PCDHA6: variants seen among roughly 807,000 people sequenced by gnomAD.
The protein encoded by PCDHA6 is protocadherin alpha 6, also known as protocadherin alpha-6.
PCDHA6 carries 55 observed loss-of-function variants against 60.3 expected under a neutral mutation model. The observed-to-expected ratio is 0.91, with a 90% CI of 0.73 to 1.14. PCDHA6 has a LOEUF of 1.14. Ranked by LOEUF, PCDHA6 falls within the 50% of genes most tolerant of loss-of-function variation. The pLI is 0.00. For missense variants in PCDHA6, 1,327 were observed against 1,256.5 expected, an observed-to-expected ratio of 1.06 and a Z score of -0.85; for synonymous variants, 652 against 557.9, an observed-to-expected ratio of 1.17 and a Z score of -2.38.
chr5:140,927,110 G>A, intron 1 of PCDHA6: 2 of 1,613,752 alleles, frequency 1.2e-6, no homozygotes, highest in Non-Finnish European at 1.7e-6. Flanking sequence ...CTACCCAGCG[G>A]CAATTTGGTG....
Position 140,962,028 on chromosome 5 carries a change from C to A in PCDHA6, c.2395-16921C>A, listed in dbSNP as rs1046578713. Among the ~76,000 whole-genome samples the A allele has an allele frequency of 5.9e-5, 9 of 152,036 alleles. No individual in the cohort carries two copies. In the South Asian group the frequency reaches 1.7e-3, roughly 28 times the overall value. The stretch of plus-strand genomic sequence containing the variant: ...CTTCCCGAGTAGCTGGGACTACAGG[C>A]ACCCACCACCATGCCTGGCTAATTT... On this transcript the variant is annotated intron_variant, in intron 1 of 3. Transcript: ENST00000529310.
chr5:140,925,172 C>T (rs1176049315), intron 1 of PCDHA6, among the ~76,000 whole-genome samples: 2 of 151,994 alleles, frequency 1.3e-5, no homozygotes, highest in Admixed American at 6.6e-5. Context: ...TGTAATTGAC[C>T]CCAATGTACC....
At chr5:140,852,947 T>C in intron 1 of PCDHA6, 2 of 520,496 alleles carry the variant, frequency 3.8e-6, no homozygotes, top group Non-Finnish European at 2.5e-6. Flanking sequence ...GGTGCCATCT[T>C]GGCTCACTCC....
intron 3 of PCDHA6, among the ~76,000 whole-genome samples, chr5:141,007,768 A>C (rs1457934171): frequency 2.0e-5 from 3 of 152,212 alleles, no homozygotes; most frequent in Non-Finnish European, 2.9e-5. Context: ...ATTGGCCTGG[A>C]AATGGTACTG....
At chr5:140,963,397 G>A (rs1190925238) in intron 1 of PCDHA6, among the ~76,000 whole-genome samples, 1 of 152,160 alleles carries the variant, frequency 6.6e-6, no homozygotes, top group Admixed American at 6.5e-5. Context: ...GCTCCCTACT[G>A]GATGCTGTAG....
At chr5:141,009,285 T>C (rs1554262099) in intron 3 of PCDHA6, among the ~76,000 whole-genome samples, 1 of 152,106 alleles carries the variant, frequency 6.6e-6, no homozygotes, top group African/African-American at 2.4e-5. Context: ...TGAGATCCCA[T>C]TTCTATAAAA....
Position 140,829,768 on chromosome 5 carries a change from C to T in PCDHA6, c.1677C>T (p.Asn559=), listed in dbSNP as rs2150174166. The change falls in exon 1 of 4, where the codon AAC becomes AAT. Residue 559 remains asparagine (N), a synonymous_variant. Transcript: ENST00000529310. ...VTLQVFVLDE[N]DNAPALLAPR... is the part of the protein sequence containing the mutation. ...TGCAGGTGTTCGTGCTGGACGAGAA[C>T]GACAACGCGCCGGCGCTGCTGGCGC... 1.1e-5 allele frequency: 18 copies of T among 1,613,762 alleles called. No homozygotes were observed. The highest frequency in any genetic ancestry group is 5.3e-5 in the African/African-American group (4 of 75,056).
intron 1 of PCDHA6, among the ~76,000 whole-genome samples, chr5:140,837,963 AC>A (rs1775339746): frequency 6.6e-6 from 1 of 151,764 alleles, no homozygotes; most frequent in Non-Finnish European, 1.5e-5. Context: ...ACAGACACGA[AC>A]AACCACACCC....
chr5:141,010,105 G>A lies in PCDHA6; in HGVS notation c.*168G>A. 6.2e-7 allele frequency: 1 copy of A among 1,612,150 alleles called. No homozygotes were observed. Among genetic ancestry groups the A allele is most frequent in the African/African-American group, 1.3e-5 (1 of 74,962 alleles). The stretch of plus-strand genomic sequence containing the variant: ...GTCTAGAACGCATTTAACAGGTTTT[G>A]TCGTAAAAGCTTTACTAAGTCTGGT... On this transcript the variant is annotated 3_prime_UTR_variant, in exon 4 of 4. Transcript: ENST00000529310.
chr5:140,980,044 T>G (rs1249451662), intron 2 of PCDHA6, among the ~76,000 whole-genome samples: 11 of 152,258 alleles, frequency 7.2e-5, no homozygotes, highest in Non-Finnish European at 1.5e-4. Flanking sequence ...GGGTGCTATT[T>G]CTGATTCAGA....
intron 1 of PCDHA6, chr5:140,852,708 G>A (rs1175249471): frequency 1.0e-6 from 1 of 979,130 alleles, no homozygotes; most frequent in Non-Finnish European, 1.2e-6. Flanking sequence ...AAGTATCTTT[G>A]TCTTTGCACG....
intron 1 of PCDHA6, among the ~76,000 whole-genome samples, chr5:140,886,267 A>C (rs1472520900): frequency 6.6e-6 from 1 of 151,960 alleles, no homozygotes; most frequent in African/African-American, 2.4e-5. Context: ...TTTATAGATA[A>C]AATTTTTTAA....
At chr5:140,832,401 T>C (rs1461467410) in intron 1 of PCDHA6, among the ~76,000 whole-genome samples, 2 of 152,204 alleles carry the variant, frequency 1.3e-5, no homozygotes, top group African/African-American at 4.8e-5. Flanking sequence ...GGTAGTGGTA[T>C]TTTCTGTTTT....
At chr5:140,882,776 T>C in intron 1 of PCDHA6, 2 of 1,614,252 alleles carry the variant, frequency 1.2e-6, no homozygotes, top group Non-Finnish European at 1.7e-6. Context: ...GGCATTGACC[T>C]ACCGACTGGA....
chr5:140,906,010 C>T (rs1465949058), intron 1 of PCDHA6, among the ~76,000 whole-genome samples: 1 of 152,210 alleles, frequency 6.6e-6, no homozygotes, highest in Admixed American at 6.5e-5. Flanking sequence ...CTAAGCCAGT[C>T]TAATCTCTCC....
At chr5:140,841,678 G>A in intron 1 of PCDHA6, 3 of 1,613,980 alleles carry the variant, frequency 1.9e-6, no homozygotes, top group Non-Finnish European at 1.7e-6. Context: ...TTTTCCATGT[G>A]GACGTGGAGG....
chr5:140,870,257 C>T (rs1554163963), intron 1 of PCDHA6: 1 of 1,614,172 alleles, frequency 6.2e-7, no homozygotes, highest in Non-Finnish European at 8.5e-7. Context: ...GGACAGGTGA[C>T]CTGCTCGCTG....
In PCDHA6 at chr5:140,829,509, A is replaced by G; in HGVS notation, c.1418A>G (p.His473Arg). ...AAGGAGAACAACCCGCCGGGCTGCC[A>G]CATCTTCACGGTGTCTGCGCGAGAC... Reference protein sequence around the residue: ...FVKENNPPGCHIFTVSARDAD... With the variant: ...FVKENNPPGCRIFTVSARDAD... The change falls in exon 1 of 4, where the codon CAC (histidine) becomes CGC (arginine). Residue 473 changes from histidine (H) to arginine (R), a missense_variant. Physicochemically the swap from His to Arg is conservative, Grantham distance 29. Coordinates refer to ENST00000529310, the MANE Select transcript of PCDHA6 (RefSeq NM_018909.4). The G allele has an allele frequency of 6.2e-7, 1 of 1,613,556 alleles. No homozygotes were observed. Among genetic ancestry groups the G allele is most frequent in the Non-Finnish European group, 8.5e-7 (1 of 1,179,932 alleles).
chr5:140,833,681 C>T (rs1401831126), intron 1 of PCDHA6, among the ~76,000 whole-genome samples: 1 of 152,082 alleles, frequency 6.6e-6, no homozygotes, highest in African/African-American at 2.4e-5. Flanking sequence ...TTCCCCAAAC[C>T]TTCTCTTATT....
Sources: allele counts gnomAD v4.1 joint callset (sites outside exome capture counted in the v4.1 genomes callset), GRCh38; gene constraint gnomAD v4.1.1; transcripts MANE v1.5; gene names NCBI Gene and HGNC (gene_info 2026-07-23, HGNC 2026-07-21).